The following EFCAB7 variants were observed in gnomAD, a reference collection of about 807,000 sequenced individuals.
EFCAB7 encodes the protein EF-hand calcium binding domain 7.
Under a neutral mutation model 77.1 loss-of-function variants are expected in EFCAB7, and 66 were observed. The observed-to-expected ratio is 0.86, with a 90% CI of 0.70 to 1.05. The LOEUF is 1.05. Ranked by LOEUF, EFCAB7 falls within the 50% of genes least tolerant of loss-of-function variation. The pLI, the probability that EFCAB7 is intolerant of heterozygous loss-of-function variation, is 0.00. For missense variants in EFCAB7, 638 were observed against 730.5 expected, an observed-to-expected ratio of 0.87 and a Z score of 1.46; for synonymous variants, 225 against 243.3, an observed-to-expected ratio of 0.92 and a Z score of 0.70.
At chr1:63,559,301 C>CAAAAAAAAA (rs71052490) in intron 10 of EFCAB7, among the ~76,000 whole-genome samples, 25 of 62,214 alleles carry the variant, frequency 4.0e-4, no homozygotes, top group South Asian at 7.1e-4. Context: ...GACTCTGTCT[C>CAAAAAAAAA]AAAAAAAAAA....
chr1:63,553,919 T>A (rs1646996477), intron 8 of EFCAB7, among the ~76,000 whole-genome samples: 1 of 152,158 alleles, frequency 6.6e-6, no homozygotes, highest in Non-Finnish European at 1.5e-5. Context: ...CCTGTAACCT[T>A]GAACTCCTGG....
chr1:63,582,721 C>T, the EFCAB7 span, among the ~76,000 whole-genome samples: 3 of 152,180 alleles, frequency 2.0e-5, no homozygotes, highest in Admixed American at 2.0e-4. Flanking sequence ...AATTCTGCCT[C>T]AGCCTCTCGA....
chr1:63,539,249 A>G (rs907994090), intron 6 of EFCAB7, among the ~76,000 whole-genome samples: 1 of 152,212 alleles, frequency 6.6e-6, no homozygotes, highest in African/African-American at 2.4e-5. Context: ...CAGGCAAAGT[A>G]CATTATCTTT....
intron 12 of EFCAB7, 83 bp downstream of exon 12, chr1:63,568,602 T>A: frequency 9.4e-7 from 1 of 1,066,658 alleles, no homozygotes; most frequent in Non-Finnish European, 1.3e-6. Context: ...TATTCGTATG[T>A]GGTAATTAAG....
intron 6 of EFCAB7, among the ~76,000 whole-genome samples, chr1:63,537,215 T>A (rs1646773489): frequency 6.6e-6 from 1 of 152,310 alleles, no homozygotes; most frequent in African/African-American, 2.4e-5. Context: ...TGTCAGGAAT[T>A]TTCCTTTCAG....
chr1:63,579,362 C>T, the EFCAB7 span, among the ~76,000 whole-genome samples: 6 of 152,150 alleles, frequency 3.9e-5, no homozygotes, highest in African/African-American at 1.4e-4. Flanking sequence ...CAGCATAATG[C>T]CTTTGACAAT....
chr1:63,552,069 G>T (rs1437942411), intron 8 of EFCAB7, among the ~76,000 whole-genome samples: 1 of 151,780 alleles, frequency 6.6e-6, no homozygotes, highest in Non-Finnish European at 1.5e-5. Flanking sequence ...TTAAGGATGG[G>T]AGGAGCTGGG....
At chr1:63,541,548 A>G (rs1384189485) in intron 6 of EFCAB7, among the ~76,000 whole-genome samples, 2 of 152,052 alleles carry the variant, frequency 1.3e-5, no homozygotes, top group African/African-American at 4.8e-5. Flanking sequence ...TAACTAAATA[A>G]TGGTATACCA....
rs1646894812 is a variant in EFCAB7 at position 63,546,048 on chromosome 1, C to T, written c.937C>T (p.Gln313Ter). ...AACAATTAAGCCATTAAACCTGAGT[C>T]AAGTTGAAGGCAAGTTTAAGTTTTT... ...YLTIKPLNLS[Q>*]VEGKPSPWLS... The change falls in exon 7 of 14, where the codon CAA becomes TAA. Residue 313 changes from glutamine to a stop codon, truncating the protein, a stop_gained. Coordinates refer to ENST00000371088, the MANE Select transcript of EFCAB7 (RefSeq NM_032437.4). LOFTEE classifies it high-confidence loss of function. 1 of 1,606,886 alleles carries T rather than the reference C, an allele frequency of 6.2e-7. No individual in the cohort carries two copies. The highest frequency in any genetic ancestry group is 1.3e-5 in the African/African-American group (1 of 74,290).
At chr1:63,555,249 T>G (rs1647016912) in intron 8 of EFCAB7, 109 bp from the exon 9 acceptor site, 4 of 1,269,516 alleles carry the variant, frequency 3.2e-6, no homozygotes, top group Middle Eastern at 2.1e-4. Context: ...AATATTGATT[T>G]AAAAATCATT....
In EFCAB7 at chr1:63,525,610, G is replaced by T; in HGVS notation, c.38G>T (p.Ser13Ile). ...ISPRSDATFSSQKSTPSESPR... is the reference protein window; with the variant it reads ...ISPRSDATFSIQKSTPSESPR... ...CCACGAAGCGATGCAACTTTCTCCAGTCAGAAATCAACACCTTCAGAGAGT... is the reference window on the plus strand; with the variant it reads ...CCACGAAGCGATGCAACTTTCTCCATTCAGAAATCAACACCTTCAGAGAGT... Residue 13 changes from serine to isoleucine, a missense_variant, in exon 2 of 14, where the codon AGT becomes ATT. Ser to Ile is a moderately radical substitution (Grantham distance 142). Coordinates refer to ENST00000371088, the MANE Select transcript of EFCAB7 (RefSeq NM_032437.4). 1 of 1,575,286 alleles carries T rather than the reference G, an allele frequency of 6.3e-7. No individual in the cohort carries two copies. The highest frequency in any genetic ancestry group is 2.3e-5 in the East Asian group (1 of 43,460).
chr1:63,567,361 G>A (rs1384193711), intron 11 of EFCAB7, among the ~76,000 whole-genome samples: 1 of 152,020 alleles, frequency 6.6e-6, no homozygotes, highest in Non-Finnish European at 1.5e-5. Flanking sequence ...GCTGAGGCAG[G>A]AGAATCACTT....
At chr1:63,532,833 G>T in intron 4 of EFCAB7, 77 bp downstream of exon 4, 1 of 1,175,190 alleles carries the variant, frequency 8.5e-7, no homozygotes, top group Non-Finnish European at 1.2e-6. Flanking sequence ...CTTTATTAAG[G>T]TATAATTGAC....
chr1:63,550,935 T>C (rs1411894933), intron 7 of EFCAB7: 1 of 152,156 alleles, frequency 6.6e-6, no homozygotes, highest in African/African-American at 2.4e-5. Context: ...AAAAAAAGAC[T>C]AGGGAAGTCC....
At chr1:63,552,163 T>C (rs1435067083) in intron 8 of EFCAB7, among the ~76,000 whole-genome samples, 1 of 152,080 alleles carries the variant, frequency 6.6e-6, no homozygotes, top group Non-Finnish European at 1.5e-5. Context: ...AAAGCCATAT[T>C]ATTCTATGAT....
intron 10 of EFCAB7, among the ~76,000 whole-genome samples, chr1:63,558,773 A>AT (rs1203502739): frequency 4.5e-4 from 68 of 151,602 alleles, no homozygotes; most frequent in Non-Finnish European, 2.9e-5. Flanking sequence ...TTATTTATTT[A>AT]TTTTTTTGAG....
chr1:63,581,104 G>A, the EFCAB7 span, among the ~76,000 whole-genome samples: 3 of 152,046 alleles, frequency 2.0e-5, no homozygotes, highest in Admixed American at 6.5e-5. Context: ...TTCCCATTAA[G>A]ATATCAAATA....
At chr1:63,539,186 C>G (rs1321390802) in intron 6 of EFCAB7, among the ~76,000 whole-genome samples, 1 of 152,154 alleles carries the variant, frequency 6.6e-6, no homozygotes, top group African/African-American at 2.4e-5. Flanking sequence ...AAAAATTCTT[C>G]CGAAATCTTT....
chr1:63,531,821 T>A lies in EFCAB7; in HGVS notation c.189T>A (p.Ala63=). ...NIISKDQLYL[A]LQHAGRNPSQ... is the part of the protein sequence containing the mutation. ...AATAATACTTGTCTTGTTGGGCAGC[T>A]CTTCAGCATGCAGGAAGAAATCCAT... Residue 63 remains alanine, a splice_region_variant and synonymous_variant, in exon 3 of 14, where the codon GCT becomes GCA. Coordinates refer to ENST00000371088, the MANE Select transcript of EFCAB7 (RefSeq NM_032437.4). 1.9e-6 allele frequency: 3 copies of A among 1,610,756 alleles called. No individual in the cohort carries two copies. The highest frequency in any genetic ancestry group is 2.5e-6 in the Non-Finnish European group (3 of 1,178,820).
Sources: gnomAD v4.1 joint callset for allele counts (sites outside exome capture counted in the v4.1 genomes callset) on GRCh38, gnomAD v4.1.1 for gene constraint, MANE v1.5 for transcripts, NCBI Gene and HGNC (gene_info 2026-07-23, HGNC 2026-07-21) for gene names.